Variants in RANGAP1 observed in about 807,000 individuals in gnomAD.
RANGAP1 encodes the protein ran GTPase-activating protein 1.
RANGAP1 carries 38 observed loss-of-function variants against 63.5 expected under a neutral mutation model. The observed-to-expected ratio is 0.60, with a 90% confidence interval of 0.46 to 0.78. The LOEUF is 0.78. Ranked by LOEUF, RANGAP1 falls within the 30% of genes least tolerant of loss-of-function variation. The probability of loss-of-function intolerance (pLI) is 0.00; values close to 1 mark genes in which losing one functional copy is unlikely to be tolerated. For missense variants in RANGAP1, 630 were observed against 740.3 expected, an observed-to-expected ratio of 0.85 and a Z score of 1.73; for synonymous variants, 329 against 310.5, an observed-to-expected ratio of 1.06 and a Z score of -0.63.
chr22:41,281,197 C>A (rs904628168), intron 1 of RANGAP1, 115 bp from the exon 2 acceptor site: 1 of 1,188,960 alleles, frequency 8.4e-7, no homozygotes, highest in Non-Finnish European at 1.1e-6. Flanking sequence ...GCTATGGAGA[C>A]CCTAGAGATA....
chr22:41,270,352 C>T (rs997300924), intron 3 of RANGAP1, among the ~76,000 whole-genome samples: 2 of 152,290 alleles, frequency 1.3e-5, no homozygotes, highest in East Asian at 1.9e-4. Context: ...ACCATGTTGG[C>T]CAGGCTGGTC....
At position 41,245,141 on chromosome 22, in the gene RANGAP1, G is replaced by A. The variant is rs780084513; in HGVS notation, c.*1462C>T. Among the ~76,000 whole-genome samples, 1 of 152,232 alleles carries A rather than the reference G, an allele frequency of 6.6e-6. No individual in the cohort carries two copies. Among genetic ancestry groups the A allele is most frequent in the Admixed American group, 6.5e-5 (1 of 15,284 alleles). On this transcript the variant is annotated 3_prime_UTR_variant, in exon 16 of 16. Coordinates refer to ENST00000356244, the MANE Select transcript of RANGAP1 (RefSeq NM_002883.4). ...CAGAAGACAGGGGACAGGGCCAGCA[G>A]TATCCTCTGCCACCTGGTCACCTAC...
At chr22:41,265,987 G>A (rs2034445406) in intron 4 of RANGAP1, among the ~76,000 whole-genome samples, 1 of 151,946 alleles carries the variant, frequency 6.6e-6, no homozygotes, top group Non-Finnish European at 1.5e-5. Context: ...CGGATCACGA[G>A]GTCGGGAGAT....
intron 6 of RANGAP1, among the ~76,000 whole-genome samples, chr22:41,258,834 A>G (rs907697315): frequency 3.3e-5 from 5 of 152,054 alleles, no homozygotes; most frequent in Admixed American, 6.6e-5. Flanking sequence ...TTGTATTTTT[A>G]GTAGAGATGG....
rs2033054179 is a variant in RANGAP1 at position 41,246,655 on chromosome 22, T to G, written c.1712A>C (p.Glu571Ala). The change falls in exon 16 of 16, where the codon GAA (glutamate) becomes GCA (alanine). Residue 571 changes from glutamate (E) to alanine (A), a missense_variant. This residue lies in a region of RANGAP1 where 428 missense variants were observed against 465.5 expected (regional missense o/e 0.92). Coordinates refer to ENST00000356244, the MANE Select transcript of RANGAP1 (RefSeq NM_002883.4). ...AFVTKPNSAL[E>A]SCSFARHSLL... ...ACTGTGGCGGGCGAAGGAGCAGGAT[T>G]CCAGGGCGCTGTTGGGCCTGCGGGG... 1 of 1,562,740 alleles carries G rather than the reference T, an allele frequency of 6.4e-7. No homozygotes were observed. The highest frequency in any genetic ancestry group is 1.9e-5 in the Admixed American group (1 of 52,228).
intron 13 of RANGAP1, among the ~76,000 whole-genome samples, chr22:41,250,606 G>A (rs2033377457): frequency 6.6e-6 from 1 of 152,310 alleles, no homozygotes; most frequent in Admixed American, 6.5e-5. Flanking sequence ...ATGGGGAAAG[G>A]TGTCCTCTGT....
intron 1 of RANGAP1, 36 bp from the exon 2 acceptor site, chr22:41,281,118 C>CTCCTG: frequency 6.6e-7 from 1 of 1,505,122 alleles, no homozygotes; most frequent in Non-Finnish European, 8.8e-7. Flanking sequence ...AAAAAGGAGT[C>CTCCTG]TCCTGGGGCC....
chr22:41,294,393 G>A, the RANGAP1 span, among the ~76,000 whole-genome samples: 1,816 of 152,038 alleles, frequency 0.012, 39 homozygotes, highest in African/African-American at 0.042. Context: ...GCGTGATCTC[G>A]GCTCGCTACA....
chr22:41,253,088 C>A, intron 11 of RANGAP1, 97 bp from the exon 12 acceptor site: 1 of 1,227,540 alleles, frequency 8.1e-7, no homozygotes, highest in South Asian at 2.4e-5. Context: ...CCACCCTTCA[C>A]TCCAGCCCAT....
chr22:41,301,832 G>C, the RANGAP1 span: 2 of 151,952 alleles, frequency 1.3e-5, no homozygotes, highest in African/African-American at 4.8e-5. Context: ...TGCGTCCGGA[G>C]CCGCCCGCGC....
chr22:41,274,531 A>C (rs988929277), intron 3 of RANGAP1, 69 bp downstream of exon 3: 16 of 1,593,404 alleles, frequency 1.0e-5, no homozygotes, highest in Non-Finnish European at 1.4e-5. Context: ...GGACACAGGC[A>C]GGGGTTGTGG....
chr22:41,254,372 T>C lies in RANGAP1; in HGVS notation c.1196A>G (p.Gln399Arg), dbSNP rs1467119920. Residue 399 changes from glutamine to arginine, a missense_variant, in exon 11 of 16, where the codon CAG (glutamine) becomes CGG (arginine). Coordinates refer to ENST00000356244, the MANE Select transcript of RANGAP1 (RefSeq NM_002883.4). ...EEEEEEEEEP[Q>R]QRGQGEKSAT... ...TGACTTCTCTCCCTGCCCTCGCTGC[T>C]GAGGCTCTTCTTCCTCCTCCTCCTC... The C allele has an allele frequency of 6.2e-7, 1 of 1,614,134 alleles. No individual in the cohort carries two copies.
At chr22:41,295,286 A>C in the RANGAP1 span, among the ~76,000 whole-genome samples, 7 of 151,678 alleles carry the variant, frequency 4.6e-5, no homozygotes, top group African/African-American at 1.7e-4. Flanking sequence ...AGATTGAGAA[A>C]TCGGATGGTT....
At chr22:41,264,973 C>A in intron 4 of RANGAP1, 130 bp from the exon 5 acceptor site, 1 of 871,372 alleles carries the variant, frequency 1.1e-6, no homozygotes, top group Non-Finnish European at 1.7e-6. Context: ...CAGACACAAA[C>A]CATTTCAGTA....
At chr22:41,293,331 G>A in the RANGAP1 span, among the ~76,000 whole-genome samples, 2 of 151,966 alleles carry the variant, frequency 1.3e-5, no homozygotes, top group Admixed American at 1.3e-4. Context: ...AGGATTGCTT[G>A]AGCCCAGGAG....
upstream of RANGAP1, among the ~76,000 whole-genome samples, chr22:41,291,149 T>C (rs947236912): frequency 2.0e-5 from 3 of 152,252 alleles, no homozygotes; most frequent in African/African-American, 7.2e-5. Context: ...CAAACATCTA[T>C]GTTCCAATAG....
upstream of RANGAP1, among the ~76,000 whole-genome samples, chr22:41,289,971 C>T (rs2035818928): frequency 1.3e-5 from 2 of 152,034 alleles, no homozygotes; most frequent in Admixed American, 1.3e-4. Flanking sequence ...TATAGTGAGA[C>T]TCTGTCTCTA....
rs57516944 is a variant in RANGAP1 at position 41,249,867 on chromosome 22, G to A, written c.1484-50C>T. 12,570 of 1,537,522 alleles carry A rather than the reference G, an allele frequency of 8.2e-3. 838 individuals carry two copies. The African/African-American group carries it at 0.15, about 18-fold the overall frequency. On this transcript the variant is annotated intron_variant, in intron 13 of 15. Coordinates refer to ENST00000356244, the MANE Select transcript of RANGAP1 (RefSeq NM_002883.4). The stretch of plus-strand genomic sequence containing the variant: ...AGGCTGCTGGCTATGGCAGAGGGCT[G>A]GGCCAAGGCACCCAGGGTTCCCCCA...
chr22:41,299,824 T>C, the RANGAP1 span, among the ~76,000 whole-genome samples: 7 of 151,538 alleles, frequency 4.6e-5, no homozygotes, highest in Non-Finnish European at 1.0e-4. Flanking sequence ...TGATCCCGGC[T>C]CACTGCAAGC....
Sources: gnomAD v4.1 joint callset for allele counts (sites outside exome capture counted in the v4.1 genomes callset) on GRCh38, gnomAD v4.1.1 for gene constraint, gnomAD v4.1.1 regional missense constraint, MANE v1.5 for transcripts, NCBI Gene and HGNC (gene_info 2026-07-23, HGNC 2026-07-21) for gene names.